CAMKMT: variants seen among roughly 807,000 people sequenced by gnomAD.
The protein encoded by CAMKMT is calmodulin-lysine N-methyltransferase.
CAMKMT carries 53 observed loss-of-function variants against 48.0 expected under a neutral mutation model. That is an observed-to-expected ratio of 1.10 (90% CI 0.89 to 1.39). The LOEUF is 1.39. Ranked by LOEUF, CAMKMT falls within the 40% of genes most tolerant of loss-of-function variation. The pLI is 0.00. For missense variants in CAMKMT, 428 were observed against 402.7 expected (o/e 1.06, Z -0.54); for synonymous variants, 165 against 152.3 (o/e 1.08, Z -0.61).
Position 44,772,315 on chromosome 2 carries a change from G to A in CAMKMT, c.*202G>A. On this transcript the variant is annotated 3_prime_UTR_variant, in exon 11 of 11. Transcript: ENST00000378494. ...CCCTCCCCGCCTCTTTTTACACTCTGCTTGTTGCTCGTCCTGCCCTAAACC... is the reference window on the plus strand; with the variant it reads ...CCCTCCCCGCCTCTTTTTACACTCTACTTGTTGCTCGTCCTGCCCTAAACC... 1 of 511,440 alleles carries A rather than the reference G, an allele frequency of 2.0e-6. No individual in the cohort carries two copies. The highest frequency in any genetic ancestry group is 3.1e-5 in the East Asian group (1 of 32,084). The allele number at this position is 511,440 out of a possible 1,614,324, so 31.7% of individuals were successfully genotyped here.
intron 3 of CAMKMT, among the ~76,000 whole-genome samples, chr2:44,515,542 G>A (rs1450336065): frequency 6.6e-6 from 1 of 152,124 alleles, no homozygotes; most frequent in Non-Finnish European, 1.5e-5. Flanking sequence ...TGAAATTGGA[G>A]GACTTACTCT....
At chr2:44,769,315 T>G (rs1346575714) in intron 10 of CAMKMT, among the ~76,000 whole-genome samples, 1 of 152,188 alleles carries the variant, frequency 6.6e-6, no homozygotes, top group Admixed American at 6.5e-5. Context: ...GCCAGTGCTT[T>G]TGTTAAACTG....
At chr2:44,635,236 T>C (rs1002378030) in intron 3 of CAMKMT, among the ~76,000 whole-genome samples, 3 of 152,154 alleles carry the variant, frequency 2.0e-5, no homozygotes, top group African/African-American at 4.8e-5. Context: ...ATAGTATTTA[T>C]GGACAAGGTA....
chr2:44,699,359 G>A (rs1243573488), intron 3 of CAMKMT, among the ~76,000 whole-genome samples: 1 of 152,216 alleles, frequency 6.6e-6, no homozygotes, highest in African/African-American at 2.4e-5. Context: ...GTGTTAGCAG[G>A]CATGGAAACA....
chr2:44,628,404 C>G lies in CAMKMT; in HGVS notation c.377-75879C>G, dbSNP rs1456097216. Among the ~76,000 whole-genome samples the G allele has an allele frequency of 3.9e-5, 6 of 151,944 alleles. No individual in the cohort carries two copies. In the South Asian group the frequency reaches 8.3e-4, roughly 21 times the overall value. On this transcript the variant is annotated intron_variant, in intron 3 of 10. Transcript: ENST00000378494. Reference sequence around the variant, plus strand: ...CTATATCTTTTCTTTCTCCTTTTATCTTTTCAGTTCCTTATTTCTAATTAC... The same window carrying G: ...CTATATCTTTTCTTTCTCCTTTTATGTTTTCAGTTCCTTATTTCTAATTAC...
chr2:44,474,567 C>G (rs1668589251), intron 3 of CAMKMT, among the ~76,000 whole-genome samples: 1 of 151,774 alleles, frequency 6.6e-6, no homozygotes, highest in African/African-American at 2.4e-5. Context: ...GGAAATATAA[C>G]CAAGTCAACA....
chr2:44,703,173 G>T (rs1677349800), intron 3 of CAMKMT, among the ~76,000 whole-genome samples: 1 of 152,060 alleles, frequency 6.6e-6, no homozygotes, highest in Non-Finnish European at 1.5e-5. Context: ...GGTAGTATAT[G>T]CTTATTGTAA....
At chr2:44,576,581 C>T (rs1050868441) in intron 3 of CAMKMT, among the ~76,000 whole-genome samples, 7 of 152,078 alleles carry the variant, frequency 4.6e-5, no homozygotes, top group South Asian at 2.1e-4. Context: ...GAGGGTCCAG[C>T]GTGAATGTGA....
At chr2:44,555,815 G>C (rs912666220) in intron 3 of CAMKMT, among the ~76,000 whole-genome samples, 2 of 152,184 alleles carry the variant, frequency 1.3e-5, no homozygotes, top group Non-Finnish European at 2.9e-5. Flanking sequence ...GGGCAAGAGA[G>C]TGGCCAACCA....
At chr2:44,509,028 G>T (rs1572677519) in intron 3 of CAMKMT, among the ~76,000 whole-genome samples, 1 of 151,658 alleles carries the variant, frequency 6.6e-6, no homozygotes, top group African/African-American at 2.4e-5. Flanking sequence ...CCTGGGAGGT[G>T]GAGGTTGCAG....
At chr2:44,675,058 C>T (rs575367873) in intron 3 of CAMKMT, among the ~76,000 whole-genome samples, 1 of 150,640 alleles carries the variant, frequency 6.6e-6, no homozygotes, top group African/African-American at 2.5e-5. Flanking sequence ...TGCAAACATG[C>T]TCGGGATTTA....
chr2:44,449,713 G>A (rs778479324), intron 3 of CAMKMT, among the ~76,000 whole-genome samples: 1 of 152,122 alleles, frequency 6.6e-6, no homozygotes, highest in Non-Finnish European at 1.5e-5. Flanking sequence ...CTTAAAAACA[G>A]CAAGGAAATT....
intron 9 of CAMKMT, among the ~76,000 whole-genome samples, chr2:44,763,526 G>T (rs1266275200): frequency 6.6e-6 from 1 of 152,212 alleles, no homozygotes; most frequent in African/African-American, 2.4e-5. Flanking sequence ...AACATTAGAA[G>T]ATCCTGTTGT....
chr2:44,663,350 C>T (rs1674780938), intron 3 of CAMKMT, among the ~76,000 whole-genome samples: 2 of 152,216 alleles, frequency 1.3e-5, no homozygotes, highest in South Asian at 4.1e-4. Context: ...GGATTACCCA[C>T]TCCTTTGTCC....
chr2:44,749,419 G>A (rs1357472388), intron 8 of CAMKMT, among the ~76,000 whole-genome samples: 1 of 152,162 alleles, frequency 6.6e-6, no homozygotes, highest in African/African-American at 2.4e-5. Flanking sequence ...GTGATGATCT[G>A]CCAGTCTGTC....
intron 6 of CAMKMT, among the ~76,000 whole-genome samples, chr2:44,711,015 A>G (rs140900372): frequency 6.6e-6 from 1 of 152,296 alleles, no homozygotes; most frequent in East Asian, 1.9e-4. Context: ...GTGCTTTTTA[A>G]AGGAGACACC....
chr2:44,376,696 T>G (rs1326214787), intron 2 of CAMKMT, among the ~76,000 whole-genome samples: 1 of 152,192 alleles, frequency 6.6e-6, no homozygotes, highest in Non-Finnish European at 1.5e-5. Context: ...ATTTGTGAAT[T>G]CAAAATACCT....
At chr2:44,565,569 C>A (rs928822496) in intron 3 of CAMKMT, among the ~76,000 whole-genome samples, 3 of 152,040 alleles carry the variant, frequency 2.0e-5, no homozygotes, top group African/African-American at 4.8e-5. Context: ...TAAAGCAGTT[C>A]TTCTAAAATT....
At chr2:44,489,514 G>A (rs954085951) in intron 3 of CAMKMT, among the ~76,000 whole-genome samples, 2 of 152,144 alleles carry the variant, frequency 1.3e-5, no homozygotes, top group South Asian at 4.1e-4. Context: ...CCAAAGTGCC[G>A]GGATTACATG....
Sources: gnomAD v4.1 joint callset for allele counts (sites outside exome capture counted in the v4.1 genomes callset) on GRCh38, gnomAD v4.1.1 for gene constraint, MANE v1.5 for transcripts, NCBI Gene and HGNC (gene_info 2026-07-23, HGNC 2026-07-21) for gene names.